The following SLC35F1 variants were observed in gnomAD, a reference collection of about 807,000 sequenced individuals.
SLC35F1 encodes the protein chromosome 6 open reading frame 169.
Under a neutral mutation model 48.7 loss-of-function variants are expected in SLC35F1, and 14 were observed. The ratio of observed to expected loss-of-function variants is 0.29; its 90% CI spans 0.19 to 0.45. SLC35F1 has a LOEUF of 0.45. SLC35F1 is among the 20% of genes least tolerant of loss of function. The probability of loss-of-function intolerance (pLI) is 1.00; values close to 1 mark genes in which losing one functional copy is unlikely to be tolerated. For missense variants in SLC35F1, 404 were observed against 500.0 expected, an observed-to-expected ratio of 0.81 and a Z score of 1.83; for synonymous variants, 190 against 202.2, an observed-to-expected ratio of 0.94 and a Z score of 0.51.
chr6:118,123,625 C>A (rs1395096783), intron 1 of SLC35F1, among the ~76,000 whole-genome samples: 1 of 152,110 alleles, frequency 6.6e-6, no homozygotes, highest in Admixed American at 6.6e-5. Flanking sequence ...TTTGATCTTC[C>A]CTAAAAAGAA....
chr6:118,173,187 A>C (rs535852671), intron 2 of SLC35F1, among the ~76,000 whole-genome samples: 98 of 152,110 alleles, frequency 6.4e-4, no homozygotes, highest in Middle Eastern at 3.4e-3. Flanking sequence ...CAAAAGATCA[A>C]CTCTCATTCT....
intron 1 of SLC35F1, among the ~76,000 whole-genome samples, chr6:118,098,521 A>C (rs1773210936): frequency 6.6e-6 from 1 of 152,122 alleles, no homozygotes; most frequent in South Asian, 2.1e-4. Flanking sequence ...GAGGATACCC[A>C]CTGTTGTTCA....
chr6:117,992,540 G>T (rs964060461), intron 1 of SLC35F1, among the ~76,000 whole-genome samples: 1 of 152,146 alleles, frequency 6.6e-6, no homozygotes. Flanking sequence ...CAGGTATGAA[G>T]ATCTTGGTCA....
At chr6:118,056,522 A>G (rs1772466024) in intron 1 of SLC35F1, among the ~76,000 whole-genome samples, 1 of 152,188 alleles carries the variant, frequency 6.6e-6, no homozygotes, top group African/African-American at 2.4e-5. Flanking sequence ...TAGTGCTTTG[A>G]AACTATAAAT....
At chr6:118,093,467 TC>T (rs1470517931) in intron 1 of SLC35F1, among the ~76,000 whole-genome samples, 1 of 152,160 alleles carries the variant, frequency 6.6e-6, no homozygotes, top group East Asian at 1.9e-4. Context: ...GATAATTGAA[TC>T]ATGGGGGCAG....
At chr6:117,990,380 C>G (rs925460316) in intron 1 of SLC35F1, among the ~76,000 whole-genome samples, 1 of 152,170 alleles carries the variant, frequency 6.6e-6, no homozygotes, top group Non-Finnish European at 1.5e-5. Flanking sequence ...CCATATGCTT[C>G]TCCATCCTTT....
At chr6:118,281,196 C>CTA (rs1473388042) in intron 6 of SLC35F1, among the ~76,000 whole-genome samples, 228 of 125,240 alleles carry the variant, frequency 1.8e-3, no homozygotes, top group African/African-American at 4.9e-3. Flanking sequence ...CTCTCTCTCT[C>CTA]TCTCTCTCTA....
At chr6:118,110,926 T>G (rs1301504653) in intron 1 of SLC35F1, among the ~76,000 whole-genome samples, 1 of 151,942 alleles carries the variant, frequency 6.6e-6, no homozygotes, top group South Asian at 2.1e-4. Context: ...TCCAGGGGTG[T>G]TGTTGGGCTT....
At chr6:118,140,592 C>CCT (rs1445250012) in intron 1 of SLC35F1, among the ~76,000 whole-genome samples, 2 of 85,736 alleles carry the variant, frequency 2.3e-5, no homozygotes, top group Non-Finnish European at 5.0e-5. Flanking sequence ...AGAGTGTATT[C>CCT]CTTATATTTT....
At chr6:118,115,671 A>T (rs756290) in intron 1 of SLC35F1, among the ~76,000 whole-genome samples, 49,834 of 151,912 alleles carry the variant, frequency 0.33, 9,239 homozygotes, top group Non-Finnish European at 0.43. Context: ...GACCTCTTAA[A>T]TTTTCTTCTT....
At chr6:118,275,409 A>G in intron 4 of SLC35F1, 50 bp from the exon 5 acceptor site, 1 of 1,555,596 alleles carries the variant, frequency 6.4e-7, no homozygotes. Flanking sequence ...ATTCTTGTTA[A>G]GAAAGTTTTA....
intron 7 of SLC35F1, among the ~76,000 whole-genome samples, chr6:118,294,372 A>AAGTAAAAT (rs1776158663): frequency 6.6e-6 from 1 of 152,242 alleles, no homozygotes; most frequent in Admixed American, 6.5e-5. Flanking sequence ...AGGGTTGTTA[A>AAGTAAAAT]AGTAAAATGC....
rs375142407 is a variant in SLC35F1 at position 118,314,262 on chromosome 6, C to T, written c.*10C>T. The T allele has an allele frequency of 7.4e-5, 119 of 1,611,904 alleles. No homozygotes were observed. Among genetic ancestry groups the T allele is most frequent in the Non-Finnish European group, 8.5e-5 (100 of 1,178,170 alleles). ...TGTTCGTGTGGCCTAGGGTGAGGCCCGCCCTGCCAACTGAGGCCAACTCAT... is the reference window on the plus strand; with the variant it reads ...TGTTCGTGTGGCCTAGGGTGAGGCCTGCCCTGCCAACTGAGGCCAACTCAT... On this transcript the variant is annotated 3_prime_UTR_variant, in exon 8 of 8. Coordinates refer to ENST00000360388, the MANE Select transcript of SLC35F1 (RefSeq NM_001029858.4).
At chr6:117,982,174 T>C (rs1776789424) in intron 1 of SLC35F1, among the ~76,000 whole-genome samples, 1 of 152,254 alleles carries the variant, frequency 6.6e-6, no homozygotes, top group Non-Finnish European at 1.5e-5. Context: ...AGCCTTTCTT[T>C]ATTTCTTTTT....
intron 1 of SLC35F1, among the ~76,000 whole-genome samples, chr6:117,925,896 A>G (rs1776020841): frequency 6.6e-6 from 1 of 152,132 alleles, no homozygotes; most frequent in Non-Finnish European, 1.5e-5. Context: ...AGCTTGAAGT[A>G]CTGGGTGAAA....
intron 1 of SLC35F1, among the ~76,000 whole-genome samples, chr6:118,069,996 C>T (rs1329604201): frequency 1.3e-5 from 2 of 150,926 alleles, no homozygotes; most frequent in African/African-American, 2.4e-5. Context: ...ATTAGCCGGG[C>T]GCGGTGGCGG....
intron 1 of SLC35F1, among the ~76,000 whole-genome samples, chr6:118,115,462 G>A (rs1773465065): frequency 6.6e-6 from 1 of 152,152 alleles, no homozygotes; most frequent in Admixed American, 6.6e-5. Context: ...ATAAAAATAT[G>A]TGTTTTCTTA....
intron 2 of SLC35F1, among the ~76,000 whole-genome samples, chr6:118,178,394 G>T (rs553658043): frequency 2.0e-5 from 3 of 151,926 alleles, no homozygotes; most frequent in Non-Finnish European, 4.4e-5. Flanking sequence ...TTTTACTTTT[G>T]TATTCAATGC....
chr6:118,148,180 C>T (rs1298063260), intron 1 of SLC35F1, among the ~76,000 whole-genome samples: 1 of 152,074 alleles, frequency 6.6e-6, no homozygotes, highest in African/African-American at 2.4e-5. Context: ...CATGACTTTC[C>T]TGAGAATAGT....
Sources: allele counts gnomAD v4.1 joint callset (sites outside exome capture counted in the v4.1 genomes callset), GRCh38; gene constraint gnomAD v4.1.1; transcripts MANE v1.5; gene names NCBI Gene and HGNC (gene_info 2026-07-23, HGNC 2026-07-21).